Variants in CACNG2 observed in about 807,000 individuals in gnomAD.
CACNG2 encodes the protein voltage-dependent calcium channel gamma-2 subunit.
In CACNG2, 3 loss-of-function variants were observed where a neutral mutation model predicts 25.9. The observed-to-expected ratio is 0.12, with a 90% CI of 0.05 to 0.30. The LOEUF is 0.30. CACNG2 is among the 10% of genes least tolerant of loss of function. The pLI is 1.00. For missense variants in CACNG2, 341 were observed against 432.5 expected, an observed-to-expected ratio of 0.79 and a Z score of 1.88; for synonymous variants, 167 against 173.3, an observed-to-expected ratio of 0.96 and a Z score of 0.29.
chr22:36,648,646 C>T (rs958829755), intron 1 of CACNG2, among the ~76,000 whole-genome samples: 1 of 152,200 alleles, frequency 6.6e-6, no homozygotes, highest in African/African-American at 2.4e-5. Flanking sequence ...ACTTCCAGCT[C>T]AAGTAGCTTT....
At chr22:36,641,486 C>A (rs1936441883) in intron 1 of CACNG2, among the ~76,000 whole-genome samples, 1 of 152,162 alleles carries the variant, frequency 6.6e-6, no homozygotes, top group Non-Finnish European at 1.5e-5. Context: ...ATTTAAAACA[C>A]AAATACCCTT....
intron 2 of CACNG2, among the ~76,000 whole-genome samples, chr22:36,577,797 C>T (rs1935349372): frequency 6.6e-6 from 1 of 152,046 alleles, no homozygotes; most frequent in Non-Finnish European, 1.5e-5. Context: ...TTAGATGTTT[C>T]CTAACCATGG....
intron 1 of CACNG2, among the ~76,000 whole-genome samples, chr22:36,646,107 T>A (rs529488253): frequency 4.6e-5 from 7 of 152,360 alleles, no homozygotes; most frequent in Middle Eastern, 6.8e-3. Context: ...TGACTTGATT[T>A]TGTAAAGATT....
intron 1 of CACNG2, among the ~76,000 whole-genome samples, chr22:36,669,149 C>T (rs932969001): frequency 6.6e-6 from 1 of 152,122 alleles, no homozygotes; most frequent in Middle Eastern, 3.2e-3. Flanking sequence ...CTGCCTGCGT[C>T]AGTTCTGTAT....
chr22:36,655,736 C>CTTCCTT (rs1569042522), intron 1 of CACNG2, among the ~76,000 whole-genome samples: 3,107 of 141,858 alleles, frequency 0.022, 119 homozygotes, highest in African/African-American at 0.082. Context: ...TTCTTTCTTT[C>CTTCCTT]TCTTCCTTTC....
At chr22:36,627,641 GA>G (rs774810860) in intron 1 of CACNG2, among the ~76,000 whole-genome samples, 2 of 106,672 alleles carry the variant, frequency 1.9e-5, no homozygotes, top group African/African-American at 2.9e-5. Context: ...GAATGACTTT[GA>G]TTTTTTTTTT....
chr22:36,684,590 T>C (rs1347312978), intron 1 of CACNG2, among the ~76,000 whole-genome samples: 1 of 132,566 alleles, frequency 7.5e-6, no homozygotes, highest in African/African-American at 3.0e-5. Flanking sequence ...CCCTCCAGTC[T>C]GGGCAACAGA....
At chr22:36,673,054 T>C (rs1308393255) in intron 1 of CACNG2, among the ~76,000 whole-genome samples, 1 of 152,154 alleles carries the variant, frequency 6.6e-6, no homozygotes, top group African/African-American at 2.4e-5. Context: ...GGCAAAACCC[T>C]GTCTCTACAA....
chr22:36,609,027 G>C (rs1935884216), intron 1 of CACNG2, among the ~76,000 whole-genome samples: 1 of 152,160 alleles, frequency 6.6e-6, no homozygotes, highest in East Asian at 1.9e-4. Context: ...TCTCAGCACT[G>C]TCCCTCACCC....
intron 2 of CACNG2, among the ~76,000 whole-genome samples, chr22:36,586,046 G>T (rs1443077558): frequency 6.6e-6 from 1 of 152,242 alleles, no homozygotes; most frequent in Non-Finnish European, 1.5e-5. Flanking sequence ...CGGGAATGTG[G>T]CTCCCAGTGT....
chr22:36,701,763 C>T (rs771640765), intron 1 of CACNG2, among the ~76,000 whole-genome samples: 2 of 152,172 alleles, frequency 1.3e-5, no homozygotes, highest in African/African-American at 2.4e-5. Context: ...CCAGCCACCT[C>T]GAGTGATATG....
intron 1 of CACNG2, among the ~76,000 whole-genome samples, chr22:36,592,789 G>A (rs1356986509): frequency 2.0e-5 from 3 of 152,144 alleles, no homozygotes; most frequent in Non-Finnish European, 4.4e-5. Flanking sequence ...CCACCTCGGC[G>A]AGTGCAGAAT....
Position 36,648,345 on chromosome 22 carries a change from C to T in CACNG2, c.211+54021G>A, listed in dbSNP as rs79440916. On this transcript the variant is annotated intron_variant, in intron 1 of 3. Coordinates refer to ENST00000300105, the MANE Select transcript of CACNG2 (RefSeq NM_006078.5). Reference sequence around the variant, plus strand: ...ACAGAAAGAGTAATATCGTATACTGCCAATTCTTTATCAGTGAAATCACCC... The same window carrying T: ...ACAGAAAGAGTAATATCGTATACTGTCAATTCTTTATCAGTGAAATCACCC... 1.7e-3 allele frequency among the ~76,000 whole-genome samples: 263 copies of T among 152,326 alleles called. 2 individuals are homozygous for T. Among genetic ancestry groups the T allele is most frequent in the African/African-American group, 6.3e-3 (261 of 41,584 alleles).
intron 1 of CACNG2, among the ~76,000 whole-genome samples, chr22:36,643,520 C>CTATCTATCTATG (rs1382715925): frequency 1.3e-3 from 190 of 151,470 alleles, no homozygotes; most frequent in African/African-American, 4.5e-3. Flanking sequence ...ATCTATCTAT[C>CTATCTATCTATG]TATCCATCAT....
In CACNG2 at chr22:36,663,144, G is replaced by A. The variant is rs373669039; in HGVS notation, c.211+39222C>T. On this transcript the variant is annotated intron_variant, in intron 1 of 3. Transcript: ENST00000300105. Reference sequence around the variant, plus strand: ...CTCATTAGGAGCCCAAGCCCTTTGAGAGGAGACCCTTGCCCAAGTCGGTCT... The same window carrying A: ...CTCATTAGGAGCCCAAGCCCTTTGAAAGGAGACCCTTGCCCAAGTCGGTCT... Among the ~76,000 whole-genome samples, 11 of 152,280 alleles carry A rather than the reference G, an allele frequency of 7.2e-5. No individual in the cohort carries two copies. In the East Asian group the frequency reaches 1.9e-3, roughly 27 times the overall value.
At chr22:36,638,416 C>A (rs912351512) in intron 1 of CACNG2, among the ~76,000 whole-genome samples, 2 of 152,186 alleles carry the variant, frequency 1.3e-5, no homozygotes, top group Non-Finnish European at 2.9e-5. Context: ...TGTCTGCTTC[C>A]ATTGCCCCTG....
intron 1 of CACNG2, among the ~76,000 whole-genome samples, chr22:36,637,131 G>C (rs1936368678): frequency 6.6e-6 from 1 of 152,256 alleles, no homozygotes; most frequent in Admixed American, 6.5e-5. Flanking sequence ...TAGGGCCTTT[G>C]TCTTGGGAAG....
intron 1 of CACNG2, among the ~76,000 whole-genome samples, chr22:36,699,569 G>A (rs1377794870): frequency 4.0e-5 from 6 of 149,744 alleles, no homozygotes; most frequent in South Asian, 2.1e-4. Context: ...AGTCATTAGC[G>A]GCATCTTAGA....
At chr22:36,575,217 A>G (rs1012441828) in intron 2 of CACNG2, among the ~76,000 whole-genome samples, 3 of 152,248 alleles carry the variant, frequency 2.0e-5, no homozygotes, top group African/African-American at 7.2e-5. Context: ...AACTATGAGC[A>G]ATTTATTATT....
Sources: gnomAD v4.1 joint callset for allele counts (sites outside exome capture counted in the v4.1 genomes callset) on GRCh38, gnomAD v4.1.1 for gene constraint, MANE v1.5 for transcripts, NCBI Gene and HGNC (gene_info 2026-07-23, HGNC 2026-07-21) for gene names.